The following PIAS1 variants were observed in gnomAD, a reference collection of about 807,000 sequenced individuals.
The protein encoded by PIAS1 is E3 SUMO-protein ligase PIAS1.
In PIAS1, 6 loss-of-function variants were observed where a neutral mutation model predicts 71.3. The ratio of observed to expected loss-of-function variants is 0.08; its 90% confidence interval spans 0.05 to 0.17. PIAS1 has a LOEUF of 0.17. Among genes scored for constraint, PIAS1 ranks in the 10% least tolerant of loss-of-function variants. The pLI is 1.00. For missense variants in PIAS1, 555 were observed against 793.6 expected (o/e 0.70, Z 3.61); for synonymous variants, 303 against 292.9 (o/e 1.03, Z -0.35).
chr15:68,087,971 A>G (rs2092297843), intron 2 of PIAS1: 2 of 263,604 alleles, frequency 7.6e-6, no homozygotes, highest in South Asian at 3.7e-5. Flanking sequence ...GTATGCTTAT[A>G]AAACTGACAC....
rs2093011399 is a variant in PIAS1 at position 68,174,685 on chromosome 15, T to C, written c.1169+793T>C. ...CCACACCCAGCCTCTACTTAATATT[T>C]CCTGTACTTTCTAGCAAAACACTTA... On this transcript the variant is annotated intron_variant, in intron 9 of 13. Coordinates refer to ENST00000249636, the MANE Select transcript of PIAS1 (RefSeq NM_016166.3). This position sits in a 1 kb window ranked among gnomAD's most constrained non-coding sequence, Gnocchi z 4.0. 6.6e-6 allele frequency among the ~76,000 whole-genome samples: 1 copy of C among 152,138 alleles called. No homozygotes were observed. Among genetic ancestry groups the C allele is most frequent in the South Asian group, 2.1e-4 (1 of 4,832 alleles).
intron 6 of PIAS1, among the ~76,000 whole-genome samples, chr15:68,153,003 G>A (rs538563152): frequency 2.8e-4 from 41 of 145,396 alleles, no homozygotes; most frequent in Admixed American, 1.4e-3. Flanking sequence ...AGCAGCTTCT[G>A]TTTGAAAACC....
intron 1 of PIAS1, among the ~76,000 whole-genome samples, chr15:68,083,281 C>CTTCTTTGCAGCTTTTCTGT (rs2092246060): frequency 6.6e-6 from 1 of 152,146 alleles, no homozygotes; most frequent in African/African-American, 2.4e-5. Context: ...CTGCTTTATG[C>CTTCTTTGCAGCTTTTCTGT]TTCTTTGCAG....
rs1156338973 is a variant in PIAS1 at position 68,186,372 on chromosome 15, T to TA, written c.1663-1169dup. ...TTTTAAAATGTTAAAAATAGAGACT[T>TA]ACAGAATAAGGATATAAAGAAGGAA... is the stretch of plus-strand genomic sequence containing the variant. On this transcript the variant is annotated intron_variant, in intron 13 of 13. Coordinates refer to ENST00000249636, the MANE Select transcript of PIAS1 (RefSeq NM_016166.3). This position sits in a 1 kb window ranked among gnomAD's most constrained non-coding sequence, Gnocchi z 4.4. 2.6e-5 allele frequency among the ~76,000 whole-genome samples: 4 copies of TA among 152,334 alleles called. No individual in the cohort carries two copies. The highest frequency in any genetic ancestry group is 1.3e-4 in the Admixed American group (2 of 15,302).
chr15:68,125,231 G>T (rs2092642405), intron 2 of PIAS1, among the ~76,000 whole-genome samples: 1 of 151,922 alleles, frequency 6.6e-6, no homozygotes, highest in Admixed American at 6.6e-5. Context: ...TCTCCAGATG[G>T]ATAAGATGAA....
At chr15:68,159,756 A>G (rs746159354) in intron 7 of PIAS1, among the ~76,000 whole-genome samples, 7 of 152,190 alleles carry the variant, frequency 4.6e-5, no homozygotes, top group Non-Finnish European at 1.0e-4. Flanking sequence ...TTGCAGCAAT[A>G]TGAATAAAGC....
In PIAS1 at chr15:68,054,515, T is replaced by A; in HGVS notation, c.24+165T>A. 1.8e-6 allele frequency: 1 copy of A among 561,392 alleles called. No homozygotes were observed. The highest frequency in any genetic ancestry group is 2.9e-6 in the Non-Finnish European group (1 of 347,116). The allele number at this position is 561,392 out of a possible 1,614,324, so 34.8% of individuals were successfully genotyped here. On this transcript the variant is annotated intron_variant, in intron 1 of 13. Coordinates refer to ENST00000249636, the MANE Select transcript of PIAS1 (RefSeq NM_016166.3). The surrounding 1 kb of genome is among the most constrained non-coding windows in gnomAD (Gnocchi z 4.6). ...CCGGTCTCAGCAGAGGGGGCCCGCC[T>A]GCGGCGGGCCGCGGGCCCCGGGTGC...
rs116992411 is a variant in PIAS1, at chr15:68,186,899, G to A, written c.1663-643G>A. 1.3e-5 allele frequency among the ~76,000 whole-genome samples: 2 copies of A among 152,224 alleles called. No individual in the cohort carries two copies. Among genetic ancestry groups the A allele is most frequent in the African/African-American group, 4.8e-5 (2 of 41,456 alleles). On this transcript the variant is annotated intron_variant, in intron 13 of 13. Coordinates refer to ENST00000249636, the MANE Select transcript of PIAS1 (RefSeq NM_016166.3). This position sits in a 1 kb window ranked among gnomAD's most constrained non-coding sequence, Gnocchi z 4.4. ...GTCTAGGTTTGTGCAAGCACACTGT[G>A]ATGTTTGCACAGCCACAAAACCGCC...
chr15:68,127,556 A>G (rs1409230083), intron 2 of PIAS1, among the ~76,000 whole-genome samples: 2 of 121,754 alleles, frequency 1.6e-5, no homozygotes, highest in African/African-American at 5.6e-5. Context: ...TTTGCTTTCC[A>G]GTTTCTACAC....
Position 68,121,796 on chromosome 15 carries a change from G to A in PIAS1, c.470-20150G>A, listed in dbSNP as rs185586462. 7.2e-5 allele frequency among the ~76,000 whole-genome samples: 11 copies of A among 152,106 alleles called. No individual in the cohort carries two copies. In the South Asian group the frequency reaches 1.5e-3, roughly 20 times the overall value. On this transcript the variant is annotated intron_variant, in intron 2 of 13. Transcript: ENST00000249636. Reference sequence around the variant, plus strand: ...TAAATCCAAAGAAGCCCTATTGAACGTATTTGGAATGAATAGACCTGGAGG... The same window carrying A: ...TAAATCCAAAGAAGCCCTATTGAACATATTTGGAATGAATAGACCTGGAGG...
chr15:68,138,951 T>G (rs1220101222), intron 2 of PIAS1, among the ~76,000 whole-genome samples: 1 of 152,172 alleles, frequency 6.6e-6, no homozygotes, highest in African/African-American at 2.4e-5. Context: ...GATGGTGAGA[T>G]TAGTTCAGTG....
chr15:68,097,736 A>G (rs1300836120), intron 2 of PIAS1, among the ~76,000 whole-genome samples: 1 of 152,158 alleles, frequency 6.6e-6, no homozygotes, highest in Non-Finnish European at 1.5e-5. Flanking sequence ...CCCAGCCTGC[A>G]TGTTGTAATT....
intron 7 of PIAS1, 77 bp from the exon 8 acceptor site, chr15:68,164,654 C>T (rs912237180): frequency 1.2e-5 from 9 of 752,496 alleles, no homozygotes; most frequent in Non-Finnish European, 2.0e-5. Context: ...GCTTTTTATT[C>T]TTTATAGTAA....
At chr15:68,149,253 A>G (rs1213455898) in intron 6 of PIAS1, among the ~76,000 whole-genome samples, 1 of 151,900 alleles carries the variant, frequency 6.6e-6, no homozygotes, top group Non-Finnish European at 1.5e-5. Context: ...GAGGGAAAAA[A>G]TGTGTGAGTC....
At chr15:68,123,224 T>C (rs753048493) in intron 2 of PIAS1, among the ~76,000 whole-genome samples, 13 of 150,176 alleles carry the variant, frequency 8.7e-5, no homozygotes, top group South Asian at 2.1e-4. Flanking sequence ...GGCACATTTT[T>C]AAAACTTTTT....
intron 7 of PIAS1, among the ~76,000 whole-genome samples, chr15:68,164,430 C>T (rs1039520433): frequency 1.3e-5 from 2 of 152,088 alleles, no homozygotes; most frequent in Non-Finnish European, 2.9e-5. Context: ...AAAGGGTCTA[C>T]CATTAGTTGA....
intron 2 of PIAS1, among the ~76,000 whole-genome samples, chr15:68,095,875 T>C (rs1260056801): frequency 6.6e-6 from 1 of 152,166 alleles, no homozygotes; most frequent in Non-Finnish European, 1.5e-5. Context: ...CAGACCCCAA[T>C]AGCTCTGGGC....
At chr15:68,148,629 A>G (rs1459585540) in intron 6 of PIAS1, among the ~76,000 whole-genome samples, 2 of 151,946 alleles carry the variant, frequency 1.3e-5, no homozygotes, top group African/African-American at 4.8e-5. Flanking sequence ...GGGTTTCACC[A>G]TCTTGGCCAG....
intron 7 of PIAS1, among the ~76,000 whole-genome samples, chr15:68,155,912 A>C (rs1375718439): frequency 6.6e-6 from 1 of 152,194 alleles, no homozygotes; most frequent in Non-Finnish European, 1.5e-5. Flanking sequence ...AATGCATGAA[A>C]ATTGGGGCTA....
Sources: gnomAD v4.1 joint callset for allele counts (sites outside exome capture counted in the v4.1 genomes callset) on GRCh38, gnomAD v4.1.1 for gene constraint, Gnocchi (gnomAD v3.1) non-coding constraint, MANE v1.5 for transcripts, NCBI Gene and HGNC (gene_info 2026-07-23, HGNC 2026-07-21) for gene names.